Variants in OSR2 observed in about 807,000 individuals in gnomAD.
OSR2 encodes odd-skipped related transciption factor 2, also known as protein odd-skipped-related 2.
In OSR2, 8 loss-of-function variants were observed where a neutral mutation model predicts 22.3. The ratio of observed to expected loss-of-function variants is 0.36; its 90% CI spans 0.21 to 0.65. OSR2 has a LOEUF of 0.65. Ranked by LOEUF, OSR2 falls within the 30% of genes least tolerant of loss-of-function variation. The pLI is 0.66. For missense variants in OSR2, 311 were observed against 413.4 expected (o/e 0.75, Z 2.15); for synonymous variants, 179 against 173.8 (o/e 1.03, Z -0.23).
At chr8:98,945,946 A>G (rs1840601720) in intron 1 of OSR2, 1 of 152,196 alleles carries the variant, frequency 6.6e-6, no homozygotes, top group African/African-American at 2.4e-5. Flanking sequence ...TTATTTTTAG[A>G]TAATTCAGTG....
intron 1 of OSR2, among the ~76,000 whole-genome samples, chr8:98,947,776 C>T (rs941161062): frequency 3.9e-5 from 6 of 152,168 alleles, no homozygotes; most frequent in Non-Finnish European, 7.4e-5. Flanking sequence ...TGCAAGCCAG[C>T]AGGGCCACTC....
chr8:98,947,034 C>T (rs954871952), intron 1 of OSR2, among the ~76,000 whole-genome samples: 1 of 151,866 alleles, frequency 6.6e-6, no homozygotes, highest in African/African-American at 2.4e-5. Flanking sequence ...TTAGTAGAAT[C>T]CTTTTCCCCT....
rs1263071074 is a variant in OSR2 at position 98,948,863 on chromosome 8, C to G, written c.-90C>G. 1.2e-6 allele frequency: 2 copies of G among 1,609,578 alleles called. No homozygotes were observed. The highest frequency in any genetic ancestry group is 1.7e-6 in the Non-Finnish European group (2 of 1,178,670). The stretch of plus-strand genomic sequence containing the variant: ...GGGCTTTCTCTACGTGCTGTTGTCT[C>G]ACTGGGTTTTTGTCGGAGCCCCACG... On this transcript the variant is annotated 5_prime_UTR_variant, in exon 2 of 4. Coordinates refer to ENST00000297565, the MANE Select transcript of OSR2 (RefSeq NM_001142462.3). The surrounding 1 kb of genome is among the most constrained non-coding windows in gnomAD (Gnocchi z 6.0).
Position 98,948,659 on chromosome 8 carries a change from C to T in OSR2, c.-114-180C>T. 1 of 980,092 alleles carries T rather than the reference C, an allele frequency of 1.0e-6. No homozygotes were observed. The highest frequency in any genetic ancestry group is 1.5e-6 in the Non-Finnish European group (1 of 685,712). 60.7% of individuals were successfully genotyped at this position (980,092 alleles called of 1,614,324 possible). Reference sequence around the variant, plus strand: ...CTTCTTGTTCTGGCCCCGGGCTGATCTGCACGCGGACTTGAGCAGGTGCCA... The same window carrying T: ...CTTCTTGTTCTGGCCCCGGGCTGATTTGCACGCGGACTTGAGCAGGTGCCA... On this transcript the variant is annotated intron_variant, in intron 1 of 3. Transcript: ENST00000297565. This position sits in a 1 kb window ranked among gnomAD's most constrained non-coding sequence, Gnocchi z 6.0.
rs1840667922 is a variant in OSR2 at position 98,948,252 on chromosome 8, T to G, written c.-114-587T>G. The G allele has an allele frequency of 6.7e-7, 1 of 1,497,368 alleles. No homozygotes were observed. Among genetic ancestry groups the G allele is most frequent in the Non-Finnish European group, 8.9e-7 (1 of 1,124,798 alleles). 92.8% of individuals were successfully genotyped at this position (1,497,368 alleles called of 1,614,324 possible). On this transcript the variant is annotated intron_variant, in intron 1 of 3. Coordinates refer to ENST00000297565, the MANE Select transcript of OSR2 (RefSeq NM_001142462.3). The surrounding 1 kb of genome is among the most constrained non-coding windows in gnomAD (Gnocchi z 6.0). ...GAGGTGAGCCCCTCCCAGGGCCCTC[T>G]GGCCCAGGAGGATGAAGCGCGCCGG...
rs967069540 is a variant in OSR2 at position 98,950,514 on chromosome 8, C to A, written c.657-142C>A. On this transcript the variant is annotated intron_variant, in intron 2 of 3. Transcript: ENST00000297565. ...TTGAGATTAACCATAAAGAGAATTA[C>A]ACAGGAAAAAAAAAAATCTAAAAAC... The A allele has an allele frequency of 3.2e-5, 20 of 624,422 alleles. 1 individual carries two copies. In the South Asian group the frequency reaches 3.5e-4, roughly 11 times the overall value. The allele number at this position is 624,422 out of a possible 1,614,324, so 38.7% of individuals were successfully genotyped here.
At position 98,948,714 on chromosome 8, in the gene OSR2, G is replaced by T; in HGVS notation, c.-114-125G>T. On this transcript the variant is annotated intron_variant, in intron 1 of 3. Transcript: ENST00000297565. This position sits in a 1 kb window ranked among gnomAD's most constrained non-coding sequence, Gnocchi z 6.0. ...GCCACGCAGTCCCCTCACGGCTTTCGGGGGGTCTTGGAGTCGGGTGGGGAG... is the reference window on the plus strand; with the variant it reads ...GCCACGCAGTCCCCTCACGGCTTTCTGGGGGTCTTGGAGTCGGGTGGGGAG... 8.1e-7 allele frequency: 1 copy of T among 1,233,148 alleles called. No homozygotes were observed. The highest frequency in any genetic ancestry group is 1.1e-6 in the Non-Finnish European group (1 of 914,134). The allele number at this position is 1,233,148 out of a possible 1,614,324, so 76.4% of individuals were successfully genotyped here.
At chr8:98,945,758 T>C (rs562490319) in intron 1 of OSR2, among the ~76,000 whole-genome samples, 2 of 152,302 alleles carry the variant, frequency 1.3e-5, no homozygotes, top group Non-Finnish European at 2.9e-5. Flanking sequence ...AATCTGTCCT[T>C]TAACAATTTT....
Position 98,949,163 on chromosome 8 carries a change from G to A in OSR2, c.211G>A (p.Glu71Lys), listed in dbSNP as rs1475819080. 4 of 1,611,058 alleles carry A rather than the reference G, an allele frequency of 2.5e-6. No individual in the cohort carries two copies. In the African/African-American group the frequency reaches 5.3e-5, roughly 22 times the overall value. The change falls in exon 2 of 4, where the codon GAG (glutamate) becomes AAG (lysine). Residue 71 changes from glutamate (E) to lysine (K), a missense_variant. Physicochemically the swap from Glu to Lys is moderately conservative, Grantham distance 56 (BLOSUM62 1). Transcript: ENST00000297565. The surrounding 1 kb of genome is among the most constrained non-coding windows in gnomAD (Gnocchi z 5.9). Reference protein sequence around the residue: ...VHEITRSTITEMAAAQGLVDA... With the variant: ...VHEITRSTITKMAAAQGLVDA... ...CGAGATCACCCGCTCCACCATCACG[G>A]AGATGGCGGCGGCGCAGGGCCTCGT...
At position 98,949,616 on chromosome 8, in the gene OSR2, G is replaced by T. The variant is rs752923643; in HGVS notation, c.656+8G>T. 6.2e-7 allele frequency: 1 copy of T among 1,601,438 alleles called. No homozygotes were observed. Among genetic ancestry groups the T allele is most frequent in the Non-Finnish European group, 8.5e-7 (1 of 1,172,070 alleles). On this transcript the variant is annotated splice_region_variant and intron_variant, in intron 2 of 3. Coordinates refer to ENST00000297565, the MANE Select transcript of OSR2 (RefSeq NM_001142462.3). The surrounding 1 kb of genome is among the most constrained non-coding windows in gnomAD (Gnocchi z 5.9). ...TCACCTGCGGGATCACAGGTGAGGC[G>T]GGCAAGGAGGATGGCTGGGAGAGGG... is the stretch of plus-strand genomic sequence containing the variant.
rs1265533630 is a variant in OSR2 at position 98,948,982 on chromosome 8, C to A, written c.30C>A (p.Ile10=). The A allele has an allele frequency of 6.8e-6, 11 of 1,614,004 alleles. No homozygotes were observed. Among genetic ancestry groups the A allele is most frequent in the Non-Finnish European group, 9.3e-6 (11 of 1,179,908 alleles). MGSKALPAP[I]PLHPSLQLTN... ...GGAGCAAGGCTCTGCCAGCGCCCAT[C>A]CCGCTCCACCCGTCGCTGCAGCTCA... Residue 10 remains isoleucine (I), a synonymous_variant, in exon 2 of 4, where the codon ATC becomes ATA. Coordinates refer to ENST00000297565, the MANE Select transcript of OSR2 (RefSeq NM_001142462.3). This position sits in a 1 kb window ranked among gnomAD's most constrained non-coding sequence, Gnocchi z 6.0.
intron 3 of OSR2, chr8:98,951,075 G>C: frequency 1.8e-6 from 1 of 540,580 alleles, no homozygotes; most frequent in Non-Finnish European, 3.2e-6. Context: ...TGGAGGCATA[G>C]TGAAATCCCA....
chr8:98,948,342 GGCA>G lies in OSR2; in HGVS notation c.-114-494_-114-492del. ...GGGAAAGGCGGCCACAGGGCGCGGC[GGCA>G]GCGCAGCGCGTGGGATCTCACGACC... On this transcript the variant is annotated intron_variant, in intron 1 of 3. Transcript: ENST00000297565. The surrounding 1 kb of genome is among the most constrained non-coding windows in gnomAD (Gnocchi z 6.0). 2.0e-6 allele frequency: 3 copies of G among 1,522,538 alleles called. No individual in the cohort carries two copies. Among genetic ancestry groups the G allele is most frequent in the Non-Finnish European group, 2.6e-6 (3 of 1,139,050 alleles). The allele number at this position is 1,522,538 out of a possible 1,614,324, so 94.3% of individuals were successfully genotyped here.
chr8:98,951,684 CCG>C lies in OSR2; in HGVS notation c.925_926del (p.Arg309AlafsTer33). ...GCGGCGGCACAGCCTGACTCACACCCCGCGGCAGGACTTCTAGAGAAGCCCAG... is the reference window on the plus strand; with the variant it reads ...GCGGCGGCACAGCCTGACTCACACCCCGGCAGGACTTCTAGAGAAGCCCAG... Reference protein sequence around the residue: ...DLRRHSLTHTPRQDF With the variant: ...DLRRHSLTHTXRQDF On this transcript the variant is annotated frameshift_variant, in exon 4 of 4. Transcript: ENST00000297565. LOFTEE classifies it high-confidence loss of function. 6.2e-7 allele frequency: 1 copy of C among 1,613,382 alleles called. No homozygotes were observed. Among genetic ancestry groups the C allele is most frequent in the South Asian group, 1.1e-5 (1 of 90,896 alleles).
intron 3 of OSR2, chr8:98,950,962 C>G: frequency 3.3e-6 from 2 of 601,968 alleles, no homozygotes; most frequent in Non-Finnish European, 5.9e-6. Flanking sequence ...CAAAAAACGG[C>G]CACTTTGATT....
In OSR2 at chr8:98,948,215, T is replaced by G. The variant is rs1840666626; in HGVS notation, c.-114-624T>G. On this transcript the variant is annotated intron_variant, in intron 1 of 3. Coordinates refer to ENST00000297565, the MANE Select transcript of OSR2 (RefSeq NM_001142462.3). The surrounding 1 kb of genome is among the most constrained non-coding windows in gnomAD (Gnocchi z 6.0). ...GGAAGGAAAAAGAAAACCTCCGAGG[T>G]CAGTGCGGGGCGAGGTGAGCCCCTC... is the stretch of plus-strand genomic sequence containing the variant. 30 of 1,434,556 alleles carry G rather than the reference T, an allele frequency of 2.1e-5. No individual in the cohort carries two copies. Among genetic ancestry groups the G allele is most frequent in the Non-Finnish European group, 2.6e-5 (29 of 1,097,074 alleles). 88.9% of individuals were successfully genotyped at this position (1,434,556 alleles called of 1,614,324 possible). A position where few individuals can be genotyped will look rare whatever the true frequency, so the allele number is the denominator to read the frequency against.
At position 98,949,726 on chromosome 8, in the gene OSR2, A is replaced by T; in HGVS notation, c.656+118A>T. The T allele has an allele frequency of 8.1e-7, 1 of 1,228,094 alleles. No individual in the cohort carries two copies. The highest frequency in any genetic ancestry group is 1.1e-6 in the Non-Finnish European group (1 of 886,000). 76.1% of individuals were successfully genotyped at this position (1,228,094 alleles called of 1,614,324 possible). A position where few individuals can be genotyped will look rare whatever the true frequency, so the allele number is the denominator to read the frequency against. ...CCCCTGTGATCTAAAATACACCCTC[A>T]GTCACGCTCCTCAGCCCGGTTCAGC... On this transcript the variant is annotated intron_variant, in intron 2 of 3. Coordinates refer to ENST00000297565, the MANE Select transcript of OSR2 (RefSeq NM_001142462.3). The surrounding 1 kb of genome is among the most constrained non-coding windows in gnomAD (Gnocchi z 5.9).
At chr8:98,945,307 G>T (rs542129313) in intron 1 of OSR2, among the ~76,000 whole-genome samples, 1 of 152,224 alleles carries the variant, frequency 6.6e-6, no homozygotes, top group Non-Finnish European at 1.5e-5. Flanking sequence ...CCTCGTGCTG[G>T]CTTTAAAATT....
Position 98,951,636 on chromosome 8 carries a change from GTGTTCAGGCGAAAC to G in OSR2, c.878_891del (p.Phe293Ter). 6.2e-7 allele frequency: 1 copy of G among 1,614,014 alleles called. No individual in the cohort carries two copies. The highest frequency in any genetic ancestry group is 1.1e-5 in the South Asian group (1 of 91,072). Reference sequence around the variant, plus strand: ...CTACAGCTGCGAGCAGTGCGGCAAAGTGTTCAGGCGAAACTGTGATCTGCGGCGGCACAGCCTGA... The same window carrying G: ...CTACAGCTGCGAGCAGTGCGGCAAAGTGTGATCTGCGGCGGCACAGCCTGA... On this transcript the variant is annotated frameshift_variant, in exon 4 of 4. Coordinates refer to ENST00000297565, the MANE Select transcript of OSR2 (RefSeq NM_001142462.3). LOFTEE classifies it high-confidence loss of function.
Sources: allele counts gnomAD v4.1 joint callset (sites outside exome capture counted in the v4.1 genomes callset), GRCh38; gene constraint gnomAD v4.1.1; non-coding constraint Gnocchi (gnomAD v3.1); transcripts MANE v1.5; gene names NCBI Gene and HGNC (gene_info 2026-07-23, HGNC 2026-07-21).